The following SGCZ variants were observed in gnomAD, a reference collection of about 807,000 sequenced individuals.
The protein encoded by SGCZ is sarcoglycan zeta.
SGCZ carries 40 observed loss-of-function variants against 41.3 expected under a neutral mutation model. The observed-to-expected ratio is 0.97, with a 90% CI of 0.75 to 1.26. The LOEUF is 1.26. Ranked by LOEUF, SGCZ falls within the 50% of genes most tolerant of loss-of-function variation. SGCZ has a pLI of 0.00. For synonymous variants in SGCZ, 206 were observed against 137.5 expected, an observed-to-expected ratio of 1.50 and a Z score of -3.49; for missense variants, 552 against 369.8, an observed-to-expected ratio of 1.49 and a Z score of -4.04.
intron 1 of SGCZ, among the ~76,000 whole-genome samples, chr8:14,970,413 T>C (rs1207715524): frequency 6.6e-6 from 1 of 152,128 alleles, no homozygotes; most frequent in Non-Finnish European, 1.5e-5. Flanking sequence ...GGCACAGAAG[T>C]TTTTTTCCTT....
chr8:14,327,807 A>C (rs1243205861), intron 2 of SGCZ, among the ~76,000 whole-genome samples: 1 of 152,150 alleles, frequency 6.6e-6, no homozygotes, highest in Non-Finnish European at 1.5e-5. Context: ...TTTGAGATGG[A>C]GTCTCGCTCT....
intron 1 of SGCZ, among the ~76,000 whole-genome samples, chr8:15,209,475 T>TAAAA (rs57088562): frequency 1.4e-5 from 2 of 142,112 alleles, no homozygotes; most frequent in African/African-American, 2.7e-5. Flanking sequence ...AGCATAATAG[T>TAAAA]AAAAAAAAAA....
At chr8:14,996,709 C>G (rs1310944104) in intron 1 of SGCZ, among the ~76,000 whole-genome samples, 1 of 152,216 alleles carries the variant, frequency 6.6e-6, no homozygotes, top group Non-Finnish European at 1.5e-5. Context: ...CAGAGGAACT[C>G]CAGACATCTT....
At chr8:15,088,731 G>A (rs1242334824) in intron 1 of SGCZ, among the ~76,000 whole-genome samples, 1 of 152,166 alleles carries the variant, frequency 6.6e-6, no homozygotes, top group Non-Finnish European at 1.5e-5. Context: ...CTACCATGAG[G>A]CACAGACATC....
chr8:15,105,748 G>C (rs1482482366), intron 1 of SGCZ, among the ~76,000 whole-genome samples: 5 of 152,148 alleles, frequency 3.3e-5, no homozygotes, highest in African/African-American at 1.2e-4. Flanking sequence ...GTAGGATTAT[G>C]ATGCATGGGA....
At chr8:14,423,337 A>T (rs1799687181) in intron 2 of SGCZ, among the ~76,000 whole-genome samples, 1 of 152,286 alleles carries the variant, frequency 6.6e-6, no homozygotes, top group Admixed American at 6.5e-5. Context: ...AAAAAAAAGT[A>T]AACTGTATCC....
chr8:15,126,964 T>TAAGC (rs1304042669), intron 1 of SGCZ, among the ~76,000 whole-genome samples: 3 of 152,196 alleles, frequency 2.0e-5, no homozygotes, highest in Admixed American at 2.0e-4. Context: ...AGCCCTTCAT[T>TAAGC]AAGCATCTCT....
intron 2 of SGCZ, among the ~76,000 whole-genome samples, chr8:14,333,569 T>C (rs1802409352): frequency 6.6e-6 from 1 of 152,072 alleles, no homozygotes; most frequent in Admixed American, 6.6e-5. Flanking sequence ...CATTGCATGA[T>C]ATACTCCTAC....
intron 1 of SGCZ, among the ~76,000 whole-genome samples, chr8:15,042,088 A>G (rs1804120581): frequency 6.6e-6 from 1 of 152,126 alleles, no homozygotes; most frequent in African/African-American, 2.4e-5. Flanking sequence ...GAGAAAAGTC[A>G]TTTGTATTCA....
intron 1 of SGCZ, among the ~76,000 whole-genome samples, chr8:14,709,509 C>T (rs562682101): frequency 6.6e-6 from 1 of 152,234 alleles, no homozygotes; most frequent in South Asian, 2.1e-4. Flanking sequence ...GGAGATATCA[C>T]CCTTCTCAAT....
At chr8:15,131,041 A>C (rs999115338) in intron 1 of SGCZ, among the ~76,000 whole-genome samples, 1 of 152,190 alleles carries the variant, frequency 6.6e-6, no homozygotes, top group Non-Finnish European at 1.5e-5. Flanking sequence ...TGCTATCTAT[A>C]AGCAAGCTGA....
chr8:15,065,463 G>C (rs1168593548), intron 1 of SGCZ, among the ~76,000 whole-genome samples: 1 of 123,892 alleles, frequency 8.1e-6, no homozygotes, highest in Non-Finnish European at 1.8e-5. Context: ...TTATTATTTT[G>C]AGTCAAGGTC....
At chr8:15,022,737 T>C (rs1221062841) in intron 1 of SGCZ, among the ~76,000 whole-genome samples, 1 of 152,230 alleles carries the variant, frequency 6.6e-6, no homozygotes, top group Non-Finnish European at 1.5e-5. Flanking sequence ...AACATGGCAA[T>C]AGTAATAACT....
At chr8:14,151,241 A>T (rs560026183) in intron 5 of SGCZ, among the ~76,000 whole-genome samples, 54 of 152,252 alleles carry the variant, frequency 3.5e-4, no homozygotes, top group African/African-American at 1.2e-3. Context: ...CCATGATGTA[A>T]TTATTTCACA....
At chr8:14,133,331 C>T (rs1803097696) in intron 5 of SGCZ, among the ~76,000 whole-genome samples, 1 of 152,278 alleles carries the variant, frequency 6.6e-6, no homozygotes, top group Non-Finnish European at 1.5e-5. Flanking sequence ...ATCTTTTAAC[C>T]TAACATCTGT....
chr8:14,810,124 T>C (rs1185611982), intron 1 of SGCZ, among the ~76,000 whole-genome samples: 1 of 151,984 alleles, frequency 6.6e-6, no homozygotes, highest in Non-Finnish European at 1.5e-5. Flanking sequence ...CAAAAAAATT[T>C]CAGGATTAGA....
intron 1 of SGCZ, among the ~76,000 whole-genome samples, chr8:14,829,303 C>G (rs566418622): frequency 6.6e-6 from 1 of 152,182 alleles, no homozygotes; most frequent in Non-Finnish European, 1.5e-5. Flanking sequence ...TAAAAAACTG[C>G]ATTGACATCA....
At position 14,486,386 on chromosome 8, in the gene SGCZ, T is replaced by G. The variant is rs1279599287; in HGVS notation, c.234+68346A>C. Among the ~76,000 whole-genome samples the G allele has an allele frequency of 2.6e-5, 4 of 152,330 alleles. No individual in the cohort carries two copies. The South Asian group carries it at 8.3e-4, about 32-fold the overall frequency. On this transcript the variant is annotated intron_variant, in intron 2 of 7. Transcript: ENST00000382080. ...CACTGGCCATGGATCCCTCAACTAC[T>G]CACTGTTACTCAAGAGAGAAATACA...
chr8:14,322,946 A>G (rs139590089), intron 3 of SGCZ, among the ~76,000 whole-genome samples: 2 of 152,256 alleles, frequency 1.3e-5, no homozygotes, highest in African/African-American at 4.8e-5. Context: ...TAAACTTTTC[A>G]TTTTAAATTT....
Sources: gnomAD v4.1 joint callset for allele counts (sites outside exome capture counted in the v4.1 genomes callset) on GRCh38, gnomAD v4.1.1 for gene constraint, MANE v1.5 for transcripts, NCBI Gene and HGNC (gene_info 2026-07-23, HGNC 2026-07-21) for gene names.